GPR176: variants seen among roughly 807,000 people sequenced by gnomAD.
The protein encoded by GPR176 is G protein-coupled receptor 176, also known as G-protein coupled receptor 176.
Under a neutral mutation model 35.4 loss-of-function variants are expected in GPR176, and 26 were observed. The observed-to-expected ratio is 0.74, with a 90% confidence interval of 0.54 to 1.02. The LOEUF (loss-of-function observed/expected upper bound fraction) is 1.02. Ranked by LOEUF, GPR176 falls within the 50% of genes least tolerant of loss-of-function variation. The pLI is 0.00. For missense variants in GPR176, 597 were observed against 665.3 expected, an observed-to-expected ratio of 0.90 and a Z score of 1.13; for synonymous variants, 278 against 271.3, an observed-to-expected ratio of 1.02 and a Z score of -0.24.
intron 1 of GPR176, among the ~76,000 whole-genome samples, chr15:39,816,083 G>A (rs1353371376): frequency 4.6e-5 from 7 of 152,188 alleles, no homozygotes; most frequent in African/African-American, 1.7e-4. Context: ...TTTACAGGTG[G>A]AATCTAAAAC....
chr15:39,882,385 A>G (rs527850198), intron 1 of GPR176, among the ~76,000 whole-genome samples: 25 of 152,358 alleles, frequency 1.6e-4, no homozygotes, highest in African/African-American at 6.0e-4. Flanking sequence ...AATCAATGAT[A>G]TGCAGAGTAT....
intron 1 of GPR176, among the ~76,000 whole-genome samples, chr15:39,903,517 C>T (rs1235876695): frequency 6.6e-6 from 1 of 151,570 alleles, no homozygotes; most frequent in Non-Finnish European, 1.5e-5. Context: ...AAAAACAGTC[C>T]TAAAAAAATG....
intron 1 of GPR176, among the ~76,000 whole-genome samples, chr15:39,878,325 G>A (rs1161684047): frequency 6.6e-6 from 1 of 152,026 alleles, no homozygotes. Flanking sequence ...CTGCTTCCAT[G>A]AGTTCAATGT....
Position 39,823,294 on chromosome 15 carries a change from A to G in GPR176, c.173-16036T>C, listed in dbSNP as rs371512096. Reference sequence around the variant, plus strand: ...GACTTCTTTACTTTGGACTCTCACAATCATCTTGGACTTAACATGTCCAAC... The same window carrying G: ...GACTTCTTTACTTTGGACTCTCACAGTCATCTTGGACTTAACATGTCCAAC... On this transcript the variant is annotated intron_variant, in intron 1 of 2. Transcript: ENST00000561100. Among the ~76,000 whole-genome samples the G allele has an allele frequency of 9.1e-4, 138 of 152,238 alleles. 1 individual carries two copies. The highest frequency in any genetic ancestry group is 3.2e-3 in the African/African-American group (132 of 41,528).
Position 39,895,232 on chromosome 15 carries a change from GTGGGGAGAGGGAGAGGGAGACCA to G in GPR176, c.172+24600_172+24622del, listed in dbSNP as rs1167380987. Among the ~76,000 whole-genome samples, 48 of 142,642 alleles carry G rather than the reference GTGGGGAGAGGGAGAGGGAGACCA, an allele frequency of 3.4e-4. 1 individual carries two copies. The highest frequency in any genetic ancestry group is 6.5e-4 in the African/African-American group (25 of 38,642). The allele number at this position is 142,642 out of a possible 152,430, so 93.6% of individuals were successfully genotyped here. A position where few individuals can be genotyped will look rare whatever the true frequency, so the allele number is the denominator to read the frequency against. ...GTGGAAAGAGAGGGAGAGGGAGACC[GTGGGGAGAGGGAGAGGGAGACCA>G]TGGGGAGAGGGAGAGGGAGACCGTG... On this transcript the variant is annotated intron_variant, in intron 1 of 2. Coordinates refer to ENST00000561100, the MANE Select transcript of GPR176 (RefSeq NM_007223.3).
At chr15:39,845,340 G>A (rs867510270) in intron 1 of GPR176, among the ~76,000 whole-genome samples, 3 of 151,762 alleles carry the variant, frequency 2.0e-5, no homozygotes, top group South Asian at 2.1e-4. Context: ...TCCATTTAAG[G>A]AGTTTAAACT....
In GPR176 at chr15:39,799,772, C is replaced by T. The variant is rs964019933; in HGVS notation, c.*1360G>A. The T allele has an allele frequency of 6.6e-6, 1 of 152,282 alleles. No individual in the cohort carries two copies. The highest frequency in any genetic ancestry group is 1.5e-5 in the Non-Finnish European group (1 of 68,100). The allele number at this position is 152,282 out of a possible 1,614,324, so 9.4% of individuals were successfully genotyped here. On this transcript the variant is annotated 3_prime_UTR_variant, in exon 3 of 3. Transcript: ENST00000561100. ...TAACAGGGAAGTATTATCTGCGGTTCTAATTCAACCTGGTGAAATCCACCC... is the reference window on the plus strand; with the variant it reads ...TAACAGGGAAGTATTATCTGCGGTTTTAATTCAACCTGGTGAAATCCACCC...
chr15:39,850,656 T>C (rs2030799341), intron 1 of GPR176, among the ~76,000 whole-genome samples: 1 of 152,128 alleles, frequency 6.6e-6, no homozygotes, highest in African/African-American at 2.4e-5. Flanking sequence ...TGTCTTGACC[T>C]ATCAATGTCA....
chr15:39,856,565 C>T (rs947484154), intron 1 of GPR176, among the ~76,000 whole-genome samples: 1 of 152,176 alleles, frequency 6.6e-6, no homozygotes, highest in Non-Finnish European at 1.5e-5. Context: ...TGGCTGTTGG[C>T]AAGATGCCTC....
intron 1 of GPR176, among the ~76,000 whole-genome samples, chr15:39,812,759 T>TG (rs200637641): frequency 4.2e-5 from 6 of 141,404 alleles, no homozygotes; most frequent in Non-Finnish European, 7.8e-5. Flanking sequence ...TTTTTTTTTT[T>TG]GAGACAGGGT....
chr15:39,836,889 A>G (rs1901430827), intron 1 of GPR176, among the ~76,000 whole-genome samples: 1 of 152,176 alleles, frequency 6.6e-6, no homozygotes, highest in African/African-American at 2.4e-5. Context: ...GCAAATAACA[A>G]TAATGCAGTG....
chr15:39,906,511 C>T (rs1282440841), intron 1 of GPR176, among the ~76,000 whole-genome samples: 1 of 152,232 alleles, frequency 6.6e-6, no homozygotes, highest in East Asian at 1.9e-4. Context: ...ATACTTTTGA[C>T]CTGTCTAAGA....
chr15:39,873,877 G>T (rs1013545997), intron 1 of GPR176, among the ~76,000 whole-genome samples: 2 of 152,156 alleles, frequency 1.3e-5, no homozygotes, highest in South Asian at 4.1e-4. Context: ...TACAAAGTCA[G>T]ATGGTGAAAT....
chr15:39,887,201 A>T (rs2032704826), intron 1 of GPR176, among the ~76,000 whole-genome samples: 3 of 152,214 alleles, frequency 2.0e-5, no homozygotes, highest in Non-Finnish European at 4.4e-5. Context: ...CAAAATCCAT[A>T]CTTGGAAACA....
intron 1 of GPR176, among the ~76,000 whole-genome samples, chr15:39,833,919 G>A (rs1901245216): frequency 6.6e-6 from 1 of 152,138 alleles, no homozygotes; most frequent in Non-Finnish European, 1.5e-5. Flanking sequence ...CCCCTATTGA[G>A]ATGTGCCTCC....
Position 39,801,598 on chromosome 15 carries a change from G to C in GPR176, c.1082C>G (p.Pro361Arg). Residue 361 changes from proline to arginine, a missense_variant, in exon 3 of 3, where the codon CCC becomes CGC. Pro to Arg is a moderately radical substitution (Grantham distance 103). Around this residue, in one of 3 missense-constraint regions of GPR176, gnomAD observed 251 missense variants for 255.4 expected, o/e 0.98. Transcript: ENST00000561100. ...GAGCTGGCTACCCGAGCGTATGCTG[G>C]GTTCCAGGCTGGCCTCAGCCATGCC... ...GSGMAEASLE[P>R]SIRSGSQLLE... 2 of 1,613,938 alleles carry C rather than the reference G, an allele frequency of 1.2e-6. No individual in the cohort carries two copies. The highest frequency in any genetic ancestry group is 1.1e-5 in the South Asian group (1 of 91,078).
At chr15:39,813,180 A>G (rs1289538285) in intron 1 of GPR176, 1 of 152,188 alleles carries the variant, frequency 6.6e-6, no homozygotes, top group East Asian at 1.9e-4. Flanking sequence ...TTCAGTAGTC[A>G]TTTAACGTTT....
intron 1 of GPR176, among the ~76,000 whole-genome samples, chr15:39,859,913 C>T (rs1295815655): frequency 6.6e-6 from 1 of 151,516 alleles, no homozygotes; most frequent in Non-Finnish European, 1.5e-5. Flanking sequence ...ATTAACACTA[C>T]TGAACTACAT....
At chr15:39,885,507 A>G (rs953885561) in intron 1 of GPR176, among the ~76,000 whole-genome samples, 4 of 152,216 alleles carry the variant, frequency 2.6e-5, no homozygotes, top group Admixed American at 1.3e-4. Flanking sequence ...GTGTAGCACA[A>G]TTATCACAGG....
Sources: gnomAD v4.1 joint callset for allele counts (sites outside exome capture counted in the v4.1 genomes callset) on GRCh38, gnomAD v4.1.1 for gene constraint, gnomAD v4.1.1 regional missense constraint, MANE v1.5 for transcripts, NCBI Gene and HGNC (gene_info 2026-07-23, HGNC 2026-07-21) for gene names.